Variants in SGCZ observed in about 807,000 individuals in gnomAD.
The protein encoded by SGCZ is sarcoglycan zeta, also known as zeta-sarcoglycan.
In SGCZ, 40 loss-of-function variants were observed where a neutral mutation model predicts 41.3. The ratio of observed to expected loss-of-function variants is 0.97; its 90% confidence interval spans 0.75 to 1.26. SGCZ has a LOEUF of 1.26. Ranked by LOEUF, SGCZ falls within the 50% of genes most tolerant of loss-of-function variation. SGCZ has a pLI of 0.00. For missense variants in SGCZ, 552 were observed against 369.8 expected (o/e 1.49, Z -4.04); for synonymous variants, 206 against 137.5 (o/e 1.50, Z -3.49).
intron 2 of SGCZ, among the ~76,000 whole-genome samples, chr8:14,456,378 A>C (rs1407274920): frequency 2.0e-5 from 3 of 152,224 alleles, no homozygotes; most frequent in Non-Finnish European, 4.4e-5. Context: ...ATTGCACTCC[A>C]GCCTGCGCAA....
intron 4 of SGCZ, among the ~76,000 whole-genome samples, chr8:14,235,097 A>C (rs1251488317): frequency 6.6e-6 from 1 of 152,202 alleles, no homozygotes; most frequent in African/African-American, 2.4e-5. Flanking sequence ...CAGCATTCAA[A>C]ATGTGTCATT....
At chr8:14,943,542 C>T (rs368732120) in intron 1 of SGCZ, among the ~76,000 whole-genome samples, 1 of 152,090 alleles carries the variant, frequency 6.6e-6, no homozygotes, top group Non-Finnish European at 1.5e-5. Context: ...GAGAATGGAA[C>T]AGAAAAAGCA....
In SGCZ at chr8:14,927,370, A is replaced by T. The variant is rs544076156; in HGVS notation, c.39+310215T>A. On this transcript the variant is annotated intron_variant, in intron 1 of 7. Transcript: ENST00000382080. ...GTGATCCGCCCGCCTCGGCCTCCCA[A>T]AGTGCTGGGATTACAGGCGTGAGCC... 2.6e-3 allele frequency among the ~76,000 whole-genome samples: 393 copies of T among 152,172 alleles called. 1 individual carries two copies. The highest frequency in any genetic ancestry group is 4.4e-3 in the Non-Finnish European group (301 of 67,978).
intron 2 of SGCZ, among the ~76,000 whole-genome samples, chr8:14,406,361 T>C (rs934654685): frequency 3.3e-5 from 5 of 152,180 alleles, no homozygotes; most frequent in African/African-American, 1.2e-4. Context: ...ATCTCACAGA[T>C]GGCTGAAATT....
chr8:14,289,076 T>C, intron 3 of SGCZ, among the ~76,000 whole-genome samples: 1 of 152,270 alleles, frequency 6.6e-6, no homozygotes, highest in East Asian at 1.9e-4. Flanking sequence ...TATATCTTCT[T>C]TGGATAAACG....
intron 1 of SGCZ, among the ~76,000 whole-genome samples, chr8:15,141,731 G>A (rs1011241519): frequency 7.2e-5 from 11 of 152,200 alleles, no homozygotes; most frequent in Admixed American, 3.3e-4. Context: ...GTGAAACCCC[G>A]TCTCTACCAA....
At position 14,087,305 on chromosome 8, in the gene SGCZ, GTT is replaced by G. The variant is rs146164517; in HGVS notation, c.*3136_*3137del. 4.0e-5 allele frequency among the ~76,000 whole-genome samples: 6 copies of G among 150,618 alleles called. No homozygotes were observed. The highest frequency in any genetic ancestry group is 1.3e-4 in the Admixed American group (2 of 15,030). ...TTTGGAAGTTTTTGTTGTTCTTGCT[GTT>G]TTTTTTTGAAGTATTTAATTGAAAT... On this transcript the variant is annotated 3_prime_UTR_variant, in exon 8 of 8. Transcript: ENST00000382080.
chr8:14,134,411 A>G (rs1452462805), intron 5 of SGCZ, among the ~76,000 whole-genome samples: 1 of 152,230 alleles, frequency 6.6e-6, no homozygotes, highest in East Asian at 1.9e-4. Context: ...TATGAAGGCT[A>G]AAGATGACAG....
chr8:15,205,423 C>G (rs1382531550), intron 1 of SGCZ, among the ~76,000 whole-genome samples: 1 of 152,006 alleles, frequency 6.6e-6, no homozygotes, highest in African/African-American at 2.4e-5. Context: ...ACAAACAACC[C>G]TATTAAAAAG....
chr8:14,153,167 C>G (rs1803762790), intron 5 of SGCZ, among the ~76,000 whole-genome samples: 1 of 152,156 alleles, frequency 6.6e-6, no homozygotes, highest in East Asian at 1.9e-4. Context: ...TTGAGAAAAA[C>G]TAGGTGAATG....
intron 2 of SGCZ, among the ~76,000 whole-genome samples, chr8:14,438,576 T>A (rs1443009838): frequency 6.6e-6 from 1 of 151,950 alleles, no homozygotes. Flanking sequence ...TAAAAAGTGT[T>A]CCTAGAGGGA....
chr8:14,967,433 C>CCCA (rs781353556), intron 1 of SGCZ, among the ~76,000 whole-genome samples: 14 of 152,152 alleles, frequency 9.2e-5, no homozygotes, highest in Non-Finnish European at 2.1e-4. Flanking sequence ...CTCAGGTGAT[C>CCCA]CCATGCACAC....
intron 1 of SGCZ, among the ~76,000 whole-genome samples, chr8:14,559,162 T>C (rs1042921820): frequency 2.6e-5 from 4 of 152,052 alleles, no homozygotes; most frequent in Admixed American, 2.6e-4. Context: ...ATAAAGGGCA[T>C]CCAAATTGGT....
At chr8:14,155,889 A>G (rs1585185422) in intron 5 of SGCZ, among the ~76,000 whole-genome samples, 1 of 152,306 alleles carries the variant, frequency 6.6e-6, no homozygotes, top group East Asian at 1.9e-4. Flanking sequence ...CTCCTAAGCT[A>G]CAAACCTGTA....
chr8:14,436,168 C>G (rs1006653239), intron 2 of SGCZ, among the ~76,000 whole-genome samples: 2 of 152,146 alleles, frequency 1.3e-5, no homozygotes, highest in Admixed American at 1.3e-4. Flanking sequence ...CTGCCCCGAC[C>G]TCTTGCCAGT....
intron 2 of SGCZ, among the ~76,000 whole-genome samples, chr8:14,351,740 T>C (rs1585395872): frequency 6.6e-6 from 1 of 152,070 alleles, no homozygotes; most frequent in Non-Finnish European, 1.5e-5. Context: ...AATTTCTTTA[T>C]ATTATGATTT....
At chr8:14,897,811 T>A (rs538859489) in intron 1 of SGCZ, among the ~76,000 whole-genome samples, 1 of 152,284 alleles carries the variant, frequency 6.6e-6, no homozygotes, top group East Asian at 1.9e-4. Context: ...AAACATCAAC[T>A]GTGAAGTCCC....
At chr8:14,492,010 T>C in intron 2 of SGCZ, among the ~76,000 whole-genome samples, 1 of 152,206 alleles carries the variant, frequency 6.6e-6, no homozygotes, top group East Asian at 1.9e-4. Context: ...GTATGTCTCA[T>C]CATTAATGTT....
chr8:15,210,104 G>T (rs1428758656), intron 1 of SGCZ, among the ~76,000 whole-genome samples: 1 of 152,098 alleles, frequency 6.6e-6, no homozygotes, highest in Non-Finnish European at 1.5e-5. Flanking sequence ...AAGAGGACAA[G>T]TCTTTGGAAT....
Sources: allele counts gnomAD v4.1 joint callset (sites outside exome capture counted in the v4.1 genomes callset), GRCh38; gene constraint gnomAD v4.1.1; transcripts MANE v1.5; gene names NCBI Gene and HGNC (gene_info 2026-07-23, HGNC 2026-07-21).